CSMD1: variants seen among roughly 807,000 people sequenced by gnomAD.
CSMD1 encodes CUB and sushi domain-containing protein 1.
Under a neutral mutation model 417.5 loss-of-function variants are expected in CSMD1, and 213 were observed. The ratio of observed to expected loss-of-function variants is 0.51; its 90% CI spans 0.46 to 0.57. The LOEUF (loss-of-function observed/expected upper bound fraction) is 0.57. Among genes scored for constraint, CSMD1 ranks in the 20% least tolerant of loss-of-function variants. The pLI is 0.00. For missense variants in CSMD1, 6,923 were observed against 4,529.7 expected, an observed-to-expected ratio of 1.53 and a Z score of -15.17; for synonymous variants, 2,862 against 1,736.8, an observed-to-expected ratio of 1.65 and a Z score of -16.11.
At chr8:4,064,799 C>T (rs1450034794) in intron 3 of CSMD1, among the ~76,000 whole-genome samples, 1 of 152,108 alleles carries the variant, frequency 6.6e-6, no homozygotes, top group Admixed American at 6.5e-5. Context: ...TTCCTGTACT[C>T]CCGGTGATCT....
intron 3 of CSMD1, among the ~76,000 whole-genome samples, chr8:4,079,136 G>A (rs1157836156): frequency 6.6e-6 from 1 of 151,580 alleles, no homozygotes; most frequent in East Asian, 1.9e-4. Flanking sequence ...TTCAACTACT[G>A]GATCATATAA....
chr8:4,006,288 A>G (rs1335264449), intron 4 of CSMD1, among the ~76,000 whole-genome samples: 1 of 152,216 alleles, frequency 6.6e-6, no homozygotes, highest in Non-Finnish European at 1.5e-5. Flanking sequence ...ATAAACAAAA[A>G]ATGAAAAGCA....
At chr8:3,694,192 C>A (rs1227017848) in intron 7 of CSMD1, among the ~76,000 whole-genome samples, 1 of 151,954 alleles carries the variant, frequency 6.6e-6, no homozygotes, top group Non-Finnish European at 1.5e-5. Context: ...GTGAATGTGT[C>A]CATAGATGGG....
intron 6 of CSMD1, among the ~76,000 whole-genome samples, chr8:3,741,475 A>T (rs1796801171): frequency 6.6e-6 from 1 of 152,190 alleles, no homozygotes; most frequent in African/African-American, 2.4e-5. Context: ...GCAATTTTAC[A>T]TATTTACCAA....
At chr8:3,707,499 G>C (rs1385762041) in intron 7 of CSMD1, among the ~76,000 whole-genome samples, 1 of 152,220 alleles carries the variant, frequency 6.6e-6, no homozygotes, top group African/African-American at 2.4e-5. Context: ...CCTAGAAGAA[G>C]CGTGAGCAGA....
intron 3 of CSMD1, among the ~76,000 whole-genome samples, chr8:4,283,957 G>A (rs773054773): frequency 1.1e-4 from 17 of 152,134 alleles, no homozygotes; most frequent in Non-Finnish European, 2.1e-4. Context: ...GTTTGGCCAG[G>A]GGTGGTGGCT....
chr8:3,672,709 G>C (rs1039998334), intron 7 of CSMD1, among the ~76,000 whole-genome samples: 3 of 152,172 alleles, frequency 2.0e-5, no homozygotes, highest in Non-Finnish European at 2.9e-5. Flanking sequence ...GGGCATGGTG[G>C]TGGTTTGAAA....
chr8:3,534,479 T>A (rs6996566), intron 10 of CSMD1, among the ~76,000 whole-genome samples: 2 of 147,678 alleles, frequency 1.4e-5, no homozygotes, highest in African/African-American at 2.5e-5. Flanking sequence ...CCCTCTCTCA[T>A]GCTCAGCGAT....
rs577618481 is a variant in CSMD1, at chr8:3,738,549, C to T, written c.931+15381G>A. Among the ~76,000 whole-genome samples, 11 of 152,294 alleles carry T rather than the reference C, an allele frequency of 7.2e-5. No individual in the cohort carries two copies. In the South Asian group the frequency reaches 1.9e-3, roughly 26 times the overall value. On this transcript the variant is annotated intron_variant, in intron 6 of 69. Transcript: ENST00000635120. ...CTGGTCCTGCCGCCAAACATGAATG[C>T]CCTTCCCTTTTCAGGGCTCTGTGCT...
At chr8:4,073,560 T>TA (rs908285713) in intron 3 of CSMD1, among the ~76,000 whole-genome samples, 4 of 152,134 alleles carry the variant, frequency 2.6e-5, no homozygotes, top group Non-Finnish European at 5.9e-5. Context: ...ACCATGCTAT[T>TA]AATCCTACAG....
intron 49 of CSMD1, among the ~76,000 whole-genome samples, chr8:3,071,770 A>C (rs187497760): frequency 4.6e-5 from 7 of 152,346 alleles, no homozygotes; most frequent in Admixed American, 3.9e-4. Context: ...CAGACAGTCC[A>C]TCTGAACTCT....
intron 3 of CSMD1, among the ~76,000 whole-genome samples, chr8:4,042,815 T>TTAAAAAAAAAAAAAAAA (rs1487345501): frequency 1.5e-4 from 6 of 41,312 alleles, no homozygotes; most frequent in Non-Finnish European, 2.1e-4. Context: ...TACAACATAT[T>TTAAAAAAAAAAAAAAAA]AAAAAAAAAA....
chr8:3,865,389 G>T (rs1208606903), intron 5 of CSMD1, among the ~76,000 whole-genome samples: 1 of 152,108 alleles, frequency 6.6e-6, no homozygotes, highest in East Asian at 1.9e-4. Context: ...CATTCCCTCA[G>T]TCCCTGGGCT....
intron 10 of CSMD1, among the ~76,000 whole-genome samples, chr8:3,563,066 G>C (rs1021653012): frequency 2.6e-4 from 39 of 152,112 alleles, no homozygotes; most frequent in Admixed American, 1.7e-3. Context: ...CATGATCTGG[G>C]TGGGAGGAAT....
chr8:3,627,662 A>T (rs975648991), intron 7 of CSMD1, among the ~76,000 whole-genome samples: 3 of 152,194 alleles, frequency 2.0e-5, no homozygotes, highest in Non-Finnish European at 4.4e-5. Context: ...AGGAAGGGTG[A>T]TCACATATGC....
chr8:4,742,069 C>T (rs555919348), intron 1 of CSMD1, among the ~76,000 whole-genome samples: 13 of 118,428 alleles, frequency 1.1e-4, no homozygotes, highest in African/African-American at 3.6e-4. Context: ...CTCTCTCTGT[C>T]GCCCAGGCTG....
At chr8:3,954,993 T>C (rs546990950) in intron 5 of CSMD1, among the ~76,000 whole-genome samples, 4 of 152,358 alleles carry the variant, frequency 2.6e-5, no homozygotes, top group African/African-American at 7.2e-5. Flanking sequence ...TGTTAATAAG[T>C]GTGGACCATC....
intron 41 of CSMD1, chr8:3,127,546 C>T (rs1007864007): frequency 6.6e-6 from 1 of 152,130 alleles, no homozygotes; most frequent in African/African-American, 2.4e-5. Flanking sequence ...AAACTATAGC[C>T]TATTTTCTAA....
At chr8:4,093,694 C>G (rs762420101) in intron 3 of CSMD1, among the ~76,000 whole-genome samples, 2 of 152,128 alleles carry the variant, frequency 1.3e-5, no homozygotes, top group African/African-American at 2.4e-5. Flanking sequence ...GGTGCAGAGG[C>G]TCACAACTGT....
Sources: gnomAD v4.1 joint callset for allele counts (sites outside exome capture counted in the v4.1 genomes callset) on GRCh38, gnomAD v4.1.1 for gene constraint, MANE v1.5 for transcripts, NCBI Gene and HGNC (gene_info 2026-07-23, HGNC 2026-07-21) for gene names.